Variants in CTSK observed in about 807,000 individuals in gnomAD.
The protein encoded by CTSK is cathepsin K.
A neutral mutation model predicts 40.5 loss-of-function variants in CTSK; 26 were observed. The ratio of observed to expected loss-of-function variants is 0.64; its 90% CI spans 0.47 to 0.89. The LOEUF (loss-of-function observed/expected upper bound fraction) is 0.89, where lower values mean the gene tolerates loss of function less well. Among genes scored for constraint, CTSK ranks in the 40% least tolerant of loss-of-function variants. The pLI is 0.00. For missense variants in CTSK, 292 were observed against 400.1 expected (o/e 0.73, Z 2.30); for synonymous variants, 132 against 143.2 (o/e 0.92, Z 0.56).
chr1:150,799,042 T>C (rs1653929501), intron 7 of CTSK, 126 bp downstream of exon 7: 5 of 720,376 alleles, frequency 6.9e-6, no homozygotes, highest in South Asian at 6.0e-5. Context: ...ACTGAGAAGA[T>C]AGAAGTGAGA....
intron 5 of CTSK, among the ~76,000 whole-genome samples, chr1:150,801,542 C>CT (rs781467598): frequency 1.4e-3 from 208 of 144,234 alleles, no homozygotes; most frequent in Admixed American, 1.7e-3. Context: ...TTAAAATTAA[C>CT]TTTTTTTTTT....
chr1:150,799,183 C>T lies in CTSK; in HGVS notation c.875G>A (p.Trp292Ter). The T allele has an allele frequency of 1.2e-6, 2 of 1,607,314 alleles. No individual in the cohort carries two copies. The highest frequency in any genetic ancestry group is 1.7e-6 in the Non-Finnish European group (2 of 1,173,750). ...GYGIQKGNKHWIIKNSWGENW... is the reference protein window; with the variant it reads ...GYGIQKGNKH ...CCATCATTACCTGTTTTTAATTATC[C>T]AGTGCTTGTTTCCCTTCTGGATTCC... is the stretch of plus-strand genomic sequence containing the variant. Residue 292 changes from tryptophan to a stop codon, truncating the protein, a stop_gained, in exon 7 of 8, where the codon TGG becomes TAG. Transcript: ENST00000271651. LOFTEE classifies it high-confidence loss of function.
At chr1:150,802,844 G>T (rs1461240752) in intron 5 of CTSK, among the ~76,000 whole-genome samples, 1 of 152,046 alleles carries the variant, frequency 6.6e-6, no homozygotes, top group Non-Finnish European at 1.5e-5. Context: ...GCTGCAGTGA[G>T]CTATGACTAT....
At position 150,799,709 on chromosome 1, in the gene CTSK, C is replaced by T; in HGVS notation, c.619G>A (p.Glu207Lys). 2 of 1,614,018 alleles carry T rather than the reference C, an allele frequency of 1.2e-6. No homozygotes were observed. Among genetic ancestry groups the T allele is most frequent in the Non-Finnish European group, 1.7e-6 (2 of 1,179,960 alleles). ...SEDAYPYVGQ[E>K]ESCMYNPTGK... ...GTTGGGTTGTACATACAACTCTCTT[C>T]CTGGAAGAAACAAGATTGTAATAGG... The change falls in exon 6 of 8, where the codon GAA becomes AAA. Residue 207 changes from glutamate (E) to lysine (K), a missense_variant and splice_region_variant. Coordinates refer to ENST00000271651, the MANE Select transcript of CTSK (RefSeq NM_000396.4).
Position 150,804,255 on chromosome 1 carries a change from A to G in CTSK, c.400-16T>C. 1 of 1,588,264 alleles carries G rather than the reference A, an allele frequency of 6.3e-7. No homozygotes were observed. The highest frequency in any genetic ancestry group is 8.6e-7 in the Non-Finnish European group (1 of 1,156,400). On this transcript the variant is annotated splice_polypyrimidine_tract_variant and intron_variant, in intron 4 of 7. Transcript: ENST00000271651. ...CACACTGACCCTGAAAGGCATACAG[A>G]GAAACTATCAATCTTTGCTGTTTAC...
intron 5 of CTSK, 50 bp from the exon 6 acceptor site, chr1:150,799,759 A>T (rs759934190): frequency 6.5e-7 from 1 of 1,550,084 alleles, no homozygotes; most frequent in Non-Finnish European, 8.9e-7. Flanking sequence ...ATAGGCAATG[A>T]GTCAGTGAGT....
intron 1 of CTSK, among the ~76,000 whole-genome samples, chr1:150,807,080 T>TCACACACACACACACACACACACACA (rs1171180978): frequency 1.4e-5 from 1 of 69,552 alleles, no homozygotes; most frequent in African/African-American, 3.7e-5. Flanking sequence ...TCTCTCTCTC[T>TCACACACACACACACACACACACACA]CACACACACA....
intron 1 of CTSK, chr1:150,807,143 G>C: frequency 2.3e-6 from 1 of 436,084 alleles, no homozygotes; most frequent in South Asian, 1.8e-5. Context: ...ACCAGAAATG[G>C]GGGATAGAAA....
chr1:150,806,359 T>A, intron 2 of CTSK, 135 bp from the exon 3 acceptor site: 2 of 1,023,432 alleles, frequency 2.0e-6, no homozygotes, highest in Non-Finnish European at 2.9e-6. Context: ...ACCATGGAAT[T>A]AAGAGCCTGC....
intron 4 of CTSK, 135 bp from the exon 5 acceptor site, chr1:150,804,374 C>A (rs1036498252): frequency 4.0e-6 from 3 of 742,948 alleles, no homozygotes; most frequent in Admixed American, 4.0e-5. Flanking sequence ...TCTTCCTCTT[C>A]CGCTTAATAT....
At chr1:150,798,630 C>T (rs1019323675) in intron 7 of CTSK, among the ~76,000 whole-genome samples, 1 of 152,146 alleles carries the variant, frequency 6.6e-6, no homozygotes, top group African/African-American at 2.4e-5. Context: ...CAGTCTCATG[C>T]TGAAATGTGA....
chr1:150,799,789 T>C (rs1274381312), intron 5 of CTSK, 80 bp from the exon 6 acceptor site: 1 of 1,326,154 alleles, frequency 7.5e-7, no homozygotes, highest in African/African-American at 1.4e-5. Flanking sequence ...AACCAATATT[T>C]TGAGTGATGC....
intron 6 of CTSK, 105 bp from the exon 7 acceptor site, chr1:150,799,378 G>T: frequency 8.2e-7 from 1 of 1,218,206 alleles, no homozygotes; most frequent in Non-Finnish European, 1.2e-6. Flanking sequence ...GTGTCAGGAG[G>T]GTTTACCACA....
At chr1:150,803,371 A>T (rs1654029525) in intron 5 of CTSK, among the ~76,000 whole-genome samples, 1 of 152,232 alleles carries the variant, frequency 6.6e-6, no homozygotes, top group African/African-American at 2.4e-5. Context: ...ACGGCTTAGA[A>T]CACAGTAGCC....
chr1:150,803,354 T>C (rs779577467), intron 5 of CTSK, among the ~76,000 whole-genome samples: 20 of 152,206 alleles, frequency 1.3e-4, no homozygotes, highest in Non-Finnish European at 2.5e-4. Context: ...AAAAATGCAC[T>C]AAGGACACGG....
intron 2 of CTSK, 139 bp downstream of exon 2, chr1:150,806,546 CG>C: frequency 9.1e-7 from 1 of 1,103,510 alleles, no homozygotes; most frequent in Non-Finnish European, 1.4e-6. Flanking sequence ...GAATGAAAAC[CG>C]TATGTTAACA....
chr1:150,798,998 C>T (rs781372831), intron 7 of CTSK, among the ~76,000 whole-genome samples, 170 bp downstream of exon 7: 31 of 152,216 alleles, frequency 2.0e-4, no homozygotes, highest in Admixed American at 4.6e-4. Flanking sequence ...ACACACTGGC[C>T]ATTAAGTGTC....
At chr1:150,807,300 C>T (rs767783174) in intron 1 of CTSK, 32 of 471,430 alleles carry the variant, frequency 6.8e-5, no homozygotes, top group Non-Finnish European at 9.2e-5. Flanking sequence ...TTCTTCGAGG[C>T]GTTCTTCTCT....
At chr1:150,805,422 C>T (rs1337015767) in intron 4 of CTSK, among the ~76,000 whole-genome samples, 1 of 151,800 alleles carries the variant, frequency 6.6e-6, no homozygotes, top group African/African-American at 2.4e-5. Context: ...GCAGGTGGAT[C>T]ACCTGAGGTC....
Sources: gnomAD v4.1 joint callset for allele counts (sites outside exome capture counted in the v4.1 genomes callset) on GRCh38, gnomAD v4.1.1 for gene constraint, MANE v1.5 for transcripts, NCBI Gene and HGNC (gene_info 2026-07-23, HGNC 2026-07-21) for gene names.